NUFIP2: variants seen among roughly 807,000 people sequenced by gnomAD.
The protein encoded by NUFIP2 is FMR1-interacting protein NUFIP2.
Under a neutral mutation model 56.9 loss-of-function variants are expected in NUFIP2, and 6 were observed. The ratio of observed to expected loss-of-function variants is 0.11; its 90% confidence interval spans 0.06 to 0.21. The LOEUF (loss-of-function observed/expected upper bound fraction) is 0.21. Among genes scored for constraint, NUFIP2 ranks in the 10% least tolerant of loss-of-function variants. NUFIP2 has a pLI of 1.00. For synonymous variants in NUFIP2, 321 were observed against 298.2 expected (o/e 1.08, Z -0.79); for missense variants, 828 against 826.8 (o/e 1.00, Z -0.02).
chr17:29,265,811 C>G (rs1277578619), intron 3 of NUFIP2, among the ~76,000 whole-genome samples: 1 of 150,312 alleles, frequency 6.7e-6, no homozygotes, highest in African/African-American at 2.4e-5. Flanking sequence ...TCCACTTCAG[C>G]TAAGAATCAA....
At chr17:29,293,669 G>A (rs1346736527) in intron 1 of NUFIP2, 114 bp downstream of exon 1, 33 of 1,129,174 alleles carry the variant, frequency 2.9e-5, no homozygotes, top group East Asian at 5.2e-5. Context: ...GAGCCGGAGG[G>A]GACACACACA....
rs1181126097 is a variant in NUFIP2, at chr17:29,256,382, T to C, written c.*8157A>G. 1 of 152,214 alleles carries C rather than the reference T, an allele frequency of 6.6e-6. No individual in the cohort carries two copies. Among genetic ancestry groups the C allele is most frequent in the Non-Finnish European group, 1.5e-5 (1 of 68,028 alleles). 9.4% of individuals were successfully genotyped at this position (152,214 alleles called of 1,614,324 possible). ...AAATGATGCTTGCTACACTCCTGCA[T>C]TTCTGCCTTTTAAGGCCATGCAATT... is the stretch of plus-strand genomic sequence containing the variant. On this transcript the variant is annotated 3_prime_UTR_variant, in exon 4 of 4. Transcript: ENST00000225388.
At chr17:29,275,824 T>C (rs1369009402) in intron 2 of NUFIP2, among the ~76,000 whole-genome samples, 1 of 151,988 alleles carries the variant, frequency 6.6e-6, no homozygotes, top group Non-Finnish European at 1.5e-5. Context: ...GGTCAGGAGT[T>C]CGAGGCCAGC....
intron 2 of NUFIP2, among the ~76,000 whole-genome samples, chr17:29,275,182 G>A (rs764934967): frequency 2.6e-5 from 4 of 151,970 alleles, no homozygotes; most frequent in Admixed American, 6.6e-5. Context: ...CATCATACCC[G>A]GCTAATTTTT....
At chr17:29,278,780 C>T (rs1330616699) in intron 2 of NUFIP2, among the ~76,000 whole-genome samples, 1 of 152,020 alleles carries the variant, frequency 6.6e-6, no homozygotes, top group Non-Finnish European at 1.5e-5. Context: ...CCAAAAATTC[C>T]TTACAAGTGA....
chr17:29,291,680 A>G (rs1030511215), intron 1 of NUFIP2, among the ~76,000 whole-genome samples: 1 of 152,250 alleles, frequency 6.6e-6, no homozygotes, highest in Admixed American at 6.5e-5. Context: ...CAATTTTTCA[A>G]TCTCAACAGT....
rs1386726473 is a variant in NUFIP2 at position 29,276,048 on chromosome 17, A to ATC, written c.2003-8520_2003-8519dup. ...GTCTCAAATATATATATATATATATATCTGAAAGTGACCACATTGCTCAAA... is the reference window on the plus strand; with the variant it reads ...GTCTCAAATATATATATATATATATATCTCTGAAAGTGACCACATTGCTCAAA... On this transcript the variant is annotated intron_variant, in intron 2 of 3. Coordinates refer to ENST00000225388, the MANE Select transcript of NUFIP2 (RefSeq NM_020772.3). 1.3e-4 allele frequency among the ~76,000 whole-genome samples: 19 copies of ATC among 150,792 alleles called. No homozygotes were observed. The Middle Eastern group carries it at 0.014, about 108-fold the overall frequency.
intron 1 of NUFIP2, 116 bp downstream of exon 1, chr17:29,293,667 G>A (rs2069232578): frequency 2.7e-6 from 3 of 1,119,414 alleles, no homozygotes; most frequent in African/African-American, 1.6e-5. Flanking sequence ...CAGAGCCGGA[G>A]GGGACACACA....
intron 2 of NUFIP2, among the ~76,000 whole-genome samples, chr17:29,275,943 G>A (rs898841184): frequency 2.0e-4 from 31 of 151,788 alleles, no homozygotes; most frequent in African/African-American, 7.5e-4. Flanking sequence ...CAGGAGAATT[G>A]CTTGAACCCA....
In NUFIP2 at chr17:29,293,892, TTGGTGAGGCTGC is replaced by T. The variant is rs907504176; in HGVS notation, c.156_167del (p.Gln53_Gln56del). On this transcript the variant is annotated inframe_deletion, in exon 1 of 4. Coordinates refer to ENST00000225388, the MANE Select transcript of NUFIP2 (RefSeq NM_020772.3). ...TGCCCTCGGCTCCATGCTGCAGGTA[TTGGTGAGGCTGC>T]TGGTGATGATGGTGGTGGTGGTGGT... 7 of 1,613,796 alleles carry T rather than the reference TTGGTGAGGCTGC, an allele frequency of 4.3e-6. No homozygotes were observed. The highest frequency in any genetic ancestry group is 5.9e-6 in the Non-Finnish European group (7 of 1,179,936).
At chr17:29,272,499 C>G (rs1040471848) in intron 2 of NUFIP2, among the ~76,000 whole-genome samples, 1 of 152,160 alleles carries the variant, frequency 6.6e-6, no homozygotes, top group Non-Finnish European at 1.5e-5. Flanking sequence ...CCTGGCCTCC[C>G]GAAGTGCTGG....
Position 29,286,658 on chromosome 17 carries a change from T to G in NUFIP2, c.1336A>C (p.Ile446Leu). 6.2e-7 allele frequency: 1 copy of G among 1,614,114 alleles called. No individual in the cohort carries two copies. The highest frequency in any genetic ancestry group is 1.1e-5 in the South Asian group (1 of 91,082). ...AGAACTGAATCTGTCCCAGAAGAGA[T>G]GGGTGTTAGAGTATTAGCAGCAGTA... ...LTTAANTLTP[I>L]SSGTDSVLQD... is the part of the protein sequence containing the mutation. Residue 446 changes from isoleucine to leucine, a missense_variant, in exon 2 of 4, where the codon ATC becomes CTC. Ile to Leu is a conservative substitution (Grantham distance 5). Around this residue, in one of 3 missense-constraint regions of NUFIP2, gnomAD observed 404 missense variants for 380.3 expected, o/e 1.06. Coordinates refer to ENST00000225388, the MANE Select transcript of NUFIP2 (RefSeq NM_020772.3).
At position 29,261,473 on chromosome 17, in the gene NUFIP2, C is replaced by A. The variant is rs1376121859; in HGVS notation, c.*3066G>T. On this transcript the variant is annotated 3_prime_UTR_variant, in exon 4 of 4. Transcript: ENST00000225388. ...TTATAATGGAGGGATGTTAAAAATC[C>A]CCTCTAGACTGTATTTGGTTTATGC... 2 of 151,900 alleles carry A rather than the reference C, an allele frequency of 1.3e-5. No homozygotes were observed. The highest frequency in any genetic ancestry group is 3.9e-4 in the East Asian group (2 of 5,192). 9.4% of individuals were successfully genotyped at this position (151,900 alleles called of 1,614,324 possible).
Position 29,287,727 on chromosome 17 carries a change from G to C in NUFIP2, c.278-11C>G. ...TTAGTTCACCATAGCCTAGGGGAGG[G>C]GAAAAAAAGGATTAAAAAAAAAAAT... is the stretch of plus-strand genomic sequence containing the variant. On this transcript the variant is annotated splice_polypyrimidine_tract_variant and intron_variant, in intron 1 of 3. Coordinates refer to ENST00000225388, the MANE Select transcript of NUFIP2 (RefSeq NM_020772.3). The C allele has an allele frequency of 6.5e-7, 1 of 1,548,948 alleles. No individual in the cohort carries two copies. The highest frequency in any genetic ancestry group is 1.2e-5 in the South Asian group (1 of 82,706).
chr17:29,280,746 G>C (rs746317970), intron 2 of NUFIP2, among the ~76,000 whole-genome samples: 1 of 152,154 alleles, frequency 6.6e-6, no homozygotes, highest in Non-Finnish European at 1.5e-5. Context: ...AGCACTTTCG[G>C]AGGCGGAGGT....
At chr17:29,272,710 T>A (rs924960163) in intron 2 of NUFIP2, among the ~76,000 whole-genome samples, 1 of 152,194 alleles carries the variant, frequency 6.6e-6, no homozygotes, top group Non-Finnish European at 1.5e-5. Context: ...TTTTGGAATG[T>A]TTCCATTATA....
rs553742222 is a variant in NUFIP2, at chr17:29,259,163, G to A, written c.*5376C>T. ...GCACCTGAGGAAAAAAGGGTACATG[G>A]AAAGCTATGTAATTTGCCCTCAAGT... is the stretch of plus-strand genomic sequence containing the variant. On this transcript the variant is annotated 3_prime_UTR_variant, in exon 4 of 4. Coordinates refer to ENST00000225388, the MANE Select transcript of NUFIP2 (RefSeq NM_020772.3). 2.0e-5 allele frequency: 3 copies of A among 152,318 alleles called. No individual in the cohort carries two copies. The South Asian group carries it at 6.2e-4, about 32-fold the overall frequency. 9.4% of individuals were successfully genotyped at this position (152,318 alleles called of 1,614,324 possible).
At position 29,256,062 on chromosome 17, in the gene NUFIP2, A is replaced by G. The variant is rs1176821022; in HGVS notation, c.*8477T>C. ...AATCCATGACATCAGAAACAGCTAT[A>G]GCAAATACCTAAGCATTTAGCAAAA... is the stretch of plus-strand genomic sequence containing the variant. On this transcript the variant is annotated 3_prime_UTR_variant, in exon 4 of 4. Transcript: ENST00000225388. 6.6e-6 allele frequency: 1 copy of G among 152,260 alleles called. No homozygotes were observed. The highest frequency in any genetic ancestry group is 1.5e-5 in the Non-Finnish European group (1 of 68,042). The allele number at this position is 152,260 out of a possible 1,614,324, so 9.4% of individuals were successfully genotyped here. A position where few individuals can be genotyped will look rare whatever the true frequency, so the allele number is the denominator to read the frequency against.
At chr17:29,289,613 G>C (rs2069198673) in intron 1 of NUFIP2, among the ~76,000 whole-genome samples, 1 of 151,998 alleles carries the variant, frequency 6.6e-6, no homozygotes, top group Non-Finnish European at 1.5e-5. Context: ...AAAAAAGAAA[G>C]ATACACAATA....
Sources: allele counts gnomAD v4.1 joint callset (sites outside exome capture counted in the v4.1 genomes callset), GRCh38; gene constraint gnomAD v4.1.1; regional missense constraint gnomAD v4.1.1; transcripts MANE v1.5; gene names NCBI Gene and HGNC (gene_info 2026-07-23, HGNC 2026-07-21).